Variants in TIMP2 observed in about 807,000 individuals in gnomAD.
The protein encoded by TIMP2 is TIMP metallopeptidase inhibitor 2.
TIMP2 carries 5 observed loss-of-function variants against 24.3 expected under a neutral mutation model. The ratio of observed to expected loss-of-function variants is 0.21; its 90% CI spans 0.11 to 0.43. TIMP2 has a LOEUF of 0.43. TIMP2 is among the 20% of genes least tolerant of loss of function. The pLI, the probability that TIMP2 is intolerant of heterozygous loss-of-function variation, is 1.00. For synonymous variants in TIMP2, 130 were observed against 123.2 expected (o/e 1.06, Z -0.37); for missense variants, 221 against 297.5 (o/e 0.74, Z 1.89).
chr17:78,855,430 G>A lies in TIMP2; in HGVS notation c.*237C>T. The A allele has an allele frequency of 1.8e-6, 1 of 565,942 alleles. No individual in the cohort carries two copies. Among genetic ancestry groups the A allele is most frequent in the Non-Finnish European group, 3.1e-6 (1 of 317,756 alleles). The allele number at this position is 565,942 out of a possible 1,614,324, so 35.1% of individuals were successfully genotyped here. A position where few individuals can be genotyped will look rare whatever the true frequency, so the allele number is the denominator to read the frequency against. ...GCCCTGCCTGCACCCAAGGATCGAA[G>A]CCCCAGACACATAGTGCCTGGCAGA... On this transcript the variant is annotated 3_prime_UTR_variant, in exon 5 of 5. Transcript: ENST00000262768. This position sits in a 1 kb window ranked among gnomAD's most constrained non-coding sequence, Gnocchi z 6.0.
intron 3 of TIMP2, among the ~76,000 whole-genome samples, chr17:78,860,268 C>T (rs1479266958): frequency 6.6e-6 from 1 of 152,216 alleles, no homozygotes; most frequent in Non-Finnish European, 1.5e-5. Flanking sequence ...CAGTGATGAG[C>T]ACCCACGCCT....
chr17:78,903,690 C>G (rs1040117173), intron 1 of TIMP2, among the ~76,000 whole-genome samples: 1 of 152,130 alleles, frequency 6.6e-6, no homozygotes, highest in Non-Finnish European at 1.5e-5. Flanking sequence ...AGAAGCCACA[C>G]GTACTTGGCC....
At chr17:78,887,687 A>G (rs1464900255) in intron 1 of TIMP2, among the ~76,000 whole-genome samples, 2 of 151,302 alleles carry the variant, frequency 1.3e-5, no homozygotes, top group Non-Finnish European at 2.9e-5. Flanking sequence ...GCCCAGCCTC[A>G]TATTTGTAAA....
intron 1 of TIMP2, among the ~76,000 whole-genome samples, chr17:78,877,755 G>A (rs1432570392): frequency 6.6e-6 from 1 of 150,452 alleles, no homozygotes; most frequent in East Asian, 2.0e-4. Context: ...CCAGGCTGGA[G>A]TGCAATGGTG....
intron 1 of TIMP2, among the ~76,000 whole-genome samples, chr17:78,894,645 A>T (rs1341506708): frequency 6.6e-6 from 1 of 152,200 alleles, no homozygotes; most frequent in African/African-American, 2.4e-5. Context: ...CACCCTATAT[A>T]CAAAAATTAA....
At chr17:78,863,355 G>A (rs567972476) in intron 3 of TIMP2, among the ~76,000 whole-genome samples, 8 of 152,228 alleles carry the variant, frequency 5.3e-5, no homozygotes, top group Admixed American at 5.2e-4. Context: ...TGATTCTCCT[G>A]CCCCAGCCTC....
At chr17:78,892,418 G>A (rs756170302) in intron 1 of TIMP2, 92 of 1,550,186 alleles carry the variant, frequency 5.9e-5, no homozygotes, top group African/African-American at 3.7e-4. Flanking sequence ...GGGCGCCCCC[G>A]GGCCTGAGGA....
chr17:78,912,525 C>A (rs55805502), intron 1 of TIMP2, among the ~76,000 whole-genome samples: 2,656 of 152,358 alleles, frequency 0.017, 67 homozygotes, highest in African/African-American at 0.061. Context: ...GAAAGTCCAT[C>A]TTCCCTGCTC....
chr17:78,890,509 G>C, intron 1 of TIMP2: 1 of 1,119,360 alleles, frequency 8.9e-7, no homozygotes, highest in Non-Finnish European at 1.2e-6. Context: ...CCCGGCCCCA[G>C]ATTGCCCATT....
At chr17:78,875,515 T>C (rs1249611378) in intron 1 of TIMP2, among the ~76,000 whole-genome samples, 1 of 152,162 alleles carries the variant, frequency 6.6e-6, no homozygotes, top group Non-Finnish European at 1.5e-5. Context: ...TGCTGTCACT[T>C]GGGCAGGGTT....
intron 1 of TIMP2, among the ~76,000 whole-genome samples, chr17:78,907,850 C>T (rs1288420147): frequency 6.6e-6 from 1 of 152,140 alleles, no homozygotes. Context: ...TCCAAACGTT[C>T]TGGCCAGGTG....
chr17:78,891,985 G>C lies in TIMP2; in HGVS notation c.131-18066C>G. On this transcript the variant is annotated intron_variant, in intron 1 of 4. Transcript: ENST00000262768. This position sits in a 1 kb window ranked among gnomAD's most constrained non-coding sequence, Gnocchi z 4.5. ...CCCTGCAACTCCTCTCTTCACTAAG[G>C]GCTGCTCTATGCTTCTCCTTGGCCC... 6.4e-7 allele frequency: 1 copy of C among 1,550,624 alleles called. No individual in the cohort carries two copies. The highest frequency in any genetic ancestry group is 8.7e-7 in the Non-Finnish European group (1 of 1,147,010).
At chr17:78,908,257 A>G (rs946868092) in intron 1 of TIMP2, among the ~76,000 whole-genome samples, 1 of 152,200 alleles carries the variant, frequency 6.6e-6, no homozygotes, top group African/African-American at 2.4e-5. Flanking sequence ...TCCGTAAGAT[A>G]AGCAAGACGG....
chr17:78,899,319 C>T (rs116448514), intron 1 of TIMP2: 4,369 of 153,046 alleles, frequency 0.029, 75 homozygotes, highest in South Asian at 0.055. Flanking sequence ...CGTCCTCTCC[C>T]GCACTGCAGC....
chr17:78,877,533 A>G (rs1274095378), intron 1 of TIMP2, among the ~76,000 whole-genome samples: 1 of 148,160 alleles, frequency 6.7e-6, no homozygotes, highest in Non-Finnish European at 1.5e-5. Flanking sequence ...TGGGCAACAG[A>G]GTGAGACTCC....
intron 1 of TIMP2, among the ~76,000 whole-genome samples, chr17:78,894,338 C>T (rs1197735311): frequency 1.3e-5 from 2 of 152,008 alleles, no homozygotes; most frequent in African/African-American, 4.8e-5. Flanking sequence ...GGTGGTCACA[C>T]TGCAGCTGGC....
At chr17:78,894,713 G>A (rs767649289) in intron 1 of TIMP2, among the ~76,000 whole-genome samples, 24 of 151,952 alleles carry the variant, frequency 1.6e-4, no homozygotes, top group Non-Finnish European at 2.9e-4. Flanking sequence ...GAAAACGTAG[G>A]TGTATATTCA....
Position 78,868,455 on chromosome 17 carries a change from T to C in TIMP2, c.340+2443A>G, listed in dbSNP as rs141347025. ...TAGTACAGACAGGGTTTTACCATGTTGGCAAGGCTGGTCTTGAACTCCTGA... is the reference window on the plus strand; with the variant it reads ...TAGTACAGACAGGGTTTTACCATGTCGGCAAGGCTGGTCTTGAACTCCTGA... On this transcript the variant is annotated intron_variant, in intron 3 of 4. Coordinates refer to ENST00000262768, the MANE Select transcript of TIMP2 (RefSeq NM_003255.5). 7.4e-4 allele frequency among the ~76,000 whole-genome samples: 113 copies of C among 152,276 alleles called. 1 individual carries two copies. In the East Asian group the frequency reaches 0.02, roughly 27 times the overall value.
intron 1 of TIMP2, among the ~76,000 whole-genome samples, chr17:78,886,731 CT>C (rs199996827): frequency 1.3e-3 from 204 of 151,744 alleles, no homozygotes; most frequent in Middle Eastern, 6.8e-3. Context: ...TTTTCTTCTT[CT>C]TTTTTTTTCC....
Sources: gnomAD v4.1 joint callset for allele counts (sites outside exome capture counted in the v4.1 genomes callset) on GRCh38, gnomAD v4.1.1 for gene constraint, Gnocchi (gnomAD v3.1) non-coding constraint, MANE v1.5 for transcripts, NCBI Gene and HGNC (gene_info 2026-07-23, HGNC 2026-07-21) for gene names.